The following ADAMTSL3 variants were observed in gnomAD, a reference collection of about 807,000 sequenced individuals.
The protein encoded by ADAMTSL3 is ADAMTS like 3, also known as ADAMTS-like protein 3.
Under a neutral mutation model 201.7 loss-of-function variants are expected in ADAMTSL3, and 128 were observed. The ratio of observed to expected loss-of-function variants is 0.63; its 90% CI spans 0.55 to 0.73. The LOEUF (loss-of-function observed/expected upper bound fraction) is 0.73, where lower values mean the gene tolerates loss of function less well. ADAMTSL3 is among the 30% of genes least tolerant of loss of function. The pLI is 0.00. For synonymous variants in ADAMTSL3, 738 were observed against 748.4 expected, an observed-to-expected ratio of 0.99 and a Z score of 0.23; for missense variants, 1,990 against 2,119.6, an observed-to-expected ratio of 0.94 and a Z score of 1.20.
At position 83,923,248 on chromosome 15, in the gene ADAMTSL3, A is replaced by G. The variant is rs77807991; in HGVS notation, c.1988-656A>G. On this transcript the variant is annotated intron_variant, in intron 16 of 29. Coordinates refer to ENST00000286744, the MANE Select transcript of ADAMTSL3 (RefSeq NM_207517.3). ...CTGTCTTAGTTTCTCTCTAGACCTC[A>G]GTTTCCTTAGTATTAAATTAATAAA... Among the ~76,000 whole-genome samples, 298 of 152,280 alleles carry G rather than the reference A, an allele frequency of 2.0e-3. 6 individuals are homozygous for G. In the East Asian group the frequency reaches 0.055, roughly 28 times the overall value.
In ADAMTSL3 at chr15:83,943,090, C is replaced by G; in HGVS notation, c.2490+8C>G. The G allele has an allele frequency of 1.9e-6, 3 of 1,596,650 alleles. No homozygotes were observed. Among genetic ancestry groups the G allele is most frequent in the Non-Finnish European group, 2.6e-6 (3 of 1,173,612 alleles). ...GTGGGAGACTGGTCGAAGGTAAGGGCCAGGCTCAACTTTATAGTCCCTTCT... is the reference window on the plus strand; with the variant it reads ...GTGGGAGACTGGTCGAAGGTAAGGGGCAGGCTCAACTTTATAGTCCCTTCT... On this transcript the variant is annotated splice_region_variant and intron_variant, in intron 19 of 29. Coordinates refer to ENST00000286744, the MANE Select transcript of ADAMTSL3 (RefSeq NM_207517.3).
At chr15:84,031,515 T>TA in intron 28 of ADAMTSL3, 83 bp downstream of exon 28, 1 of 1,221,022 alleles carries the variant, frequency 8.2e-7, no homozygotes, top group Admixed American at 1.8e-5. Context: ...AATGGAATCC[T>TA]TTCTAGTTTC....
At chr15:83,801,495 T>A (rs1391958175) in intron 4 of ADAMTSL3, among the ~76,000 whole-genome samples, 2 of 148,784 alleles carry the variant, frequency 1.3e-5, no homozygotes, top group Non-Finnish European at 3.0e-5. Flanking sequence ...GGAAAAAGAG[T>A]GGAAGTTAAT....
intron 17 of ADAMTSL3, among the ~76,000 whole-genome samples, chr15:83,930,840 T>A (rs2066341772): frequency 1.3e-5 from 2 of 152,244 alleles, no homozygotes; most frequent in Admixed American, 1.3e-4. Flanking sequence ...GGTGTAGGAA[T>A]AACAGGAACA....
At chr15:83,861,915 G>C (rs1210183421) in intron 8 of ADAMTSL3, 1 of 152,166 alleles carries the variant, frequency 6.6e-6, no homozygotes, top group African/African-American at 2.4e-5. Flanking sequence ...CCAATGCAGA[G>C]AAGTCCTTAA....
Position 83,838,147 on chromosome 15 carries a change from G to A in ADAMTSL3, c.659G>A (p.Cys220Tyr). 1.2e-6 allele frequency: 2 copies of A among 1,613,400 alleles called. No individual in the cohort carries two copies. Among genetic ancestry groups the A allele is most frequent in the Non-Finnish European group, 8.5e-7 (1 of 1,179,716 alleles). ...GCCAAGGAGGACAACTGTGGAGTCT[G>A]TGCCGGCGATGGCTCCACCTGCAGG... ...SNAKEDNCGV[C>Y]AGDGSTCRLV... The change falls in exon 7 of 30, where the codon TGT (cysteine) becomes TAT (tyrosine). Residue 220 changes from cysteine to tyrosine, a missense_variant. Physicochemically the swap from Cys to Tyr is radical, Grantham distance 194. Transcript: ENST00000286744.
chr15:83,756,412 G>A (rs1482818285), intron 3 of ADAMTSL3, among the ~76,000 whole-genome samples: 1 of 152,078 alleles, frequency 6.6e-6, no homozygotes, highest in Non-Finnish European at 1.5e-5. Context: ...TTTGTGCAGG[G>A]GTACTCCCTT....
At chr15:83,917,417 G>GTA (rs140504075) in intron 16 of ADAMTSL3, among the ~76,000 whole-genome samples, 1 of 146,532 alleles carries the variant, frequency 6.8e-6, no homozygotes, top group Non-Finnish European at 1.5e-5. Context: ...TCCAAAGTGT[G>GTA]TGTATGTATG....
At chr15:83,810,030 G>A (rs1465674209) in intron 5 of ADAMTSL3, among the ~76,000 whole-genome samples, 1 of 152,052 alleles carries the variant, frequency 6.6e-6, no homozygotes, top group East Asian at 1.9e-4. Context: ...AGCCATATTT[G>A]CAGTCCATTT....
In ADAMTSL3 at chr15:83,890,167, C is replaced by T. The variant is rs191831696; in HGVS notation, c.1131C>T (p.Asp377=). The T allele has an allele frequency of 2.5e-6, 4 of 1,613,954 alleles. No individual in the cohort carries two copies. In the East Asian group the frequency reaches 8.9e-5, roughly 36 times the overall value. The change falls in exon 11 of 30, where the codon GAC becomes GAT. Residue 377 remains aspartate (D), a synonymous_variant. Transcript: ENST00000286744. ...VDIRLKRVVP[D]HYCHYYPENV... ...TCCGCTTGAAGAGGGTAGTTCCTGA[C>T]CATTATTGTCACTACTACCCTGAAA...
At chr15:84,008,926 C>G (rs2067952111) in intron 23 of ADAMTSL3, among the ~76,000 whole-genome samples, 1 of 152,114 alleles carries the variant, frequency 6.6e-6, no homozygotes, top group South Asian at 2.1e-4. Flanking sequence ...TCGCTTTCCT[C>G]TCTCACACTA....
intron 3 of ADAMTSL3, among the ~76,000 whole-genome samples, chr15:83,727,114 A>G (rs957792449): frequency 5.3e-5 from 8 of 151,188 alleles, no homozygotes; most frequent in Non-Finnish European, 8.9e-5. Flanking sequence ...TCCTGGTTCA[A>G]TCTTGGTAGG....
At chr15:83,748,584 G>C (rs1302471258) in intron 3 of ADAMTSL3, among the ~76,000 whole-genome samples, 2 of 148,800 alleles carry the variant, frequency 1.3e-5, no homozygotes, top group African/African-American at 2.5e-5. Context: ...TGGGTGGTCA[G>C]GGCTGCAATG....
chr15:83,780,029 C>T (rs2063141491), intron 4 of ADAMTSL3, among the ~76,000 whole-genome samples: 1 of 150,738 alleles, frequency 6.6e-6, no homozygotes, highest in East Asian at 2.0e-4. Flanking sequence ...AACTAGAGAA[C>T]CAAGAGCAAA....
chr15:83,958,162 G>A lies in ADAMTSL3; in HGVS notation c.2491-12322G>A, dbSNP rs143355115. On this transcript the variant is annotated intron_variant, in intron 19 of 29. Transcript: ENST00000286744. ...ACAGGGCCAAGAGTTGTGGAACACAGATGTCACGAATAAATAGCATGACAA... is the reference window on the plus strand; with the variant it reads ...ACAGGGCCAAGAGTTGTGGAACACAAATGTCACGAATAAATAGCATGACAA... Among the ~76,000 whole-genome samples, 520 of 152,320 alleles carry A rather than the reference G, an allele frequency of 3.4e-3. 13 individuals carry two copies. In the East Asian group the frequency reaches 0.054, roughly 16 times the overall value.
At chr15:83,934,069 G>T (rs2066415579) in intron 17 of ADAMTSL3, among the ~76,000 whole-genome samples, 1 of 152,196 alleles carries the variant, frequency 6.6e-6, no homozygotes. Flanking sequence ...GGAGCTGTGA[G>T]AAGAGGGCCA....
intron 3 of ADAMTSL3, among the ~76,000 whole-genome samples, chr15:83,743,080 T>C (rs553496726): frequency 5.9e-5 from 9 of 152,320 alleles, no homozygotes; most frequent in African/African-American, 1.9e-4. Flanking sequence ...TTATTGTAAC[T>C]GCGCTTACCT....
rs77422968 is a variant in ADAMTSL3, at chr15:84,001,315, T to C, written c.3973+10101T>C. Among the ~76,000 whole-genome samples, 985 of 152,324 alleles carry C rather than the reference T, an allele frequency of 6.5e-3. 11 individuals carry two copies. Among genetic ancestry groups the C allele is most frequent in the African/African-American group, 0.023 (935 of 41,550 alleles). On this transcript the variant is annotated intron_variant, in intron 23 of 29. Coordinates refer to ENST00000286744, the MANE Select transcript of ADAMTSL3 (RefSeq NM_207517.3). Reference sequence around the variant, plus strand: ...TTGCAAAGAGCTGAGGAGTATGTGCTAATAGGCAGCATGTCAATAAATAAC... The same window carrying C: ...TTGCAAAGAGCTGAGGAGTATGTGCCAATAGGCAGCATGTCAATAAATAAC...
intron 16 of ADAMTSL3, among the ~76,000 whole-genome samples, chr15:83,920,536 C>G (rs1012147837): frequency 2.0e-5 from 3 of 152,142 alleles, no homozygotes; most frequent in African/African-American, 7.2e-5. Context: ...TTTCATTACT[C>G]GGGACTTTAC....
Sources: gnomAD v4.1 joint callset for allele counts (sites outside exome capture counted in the v4.1 genomes callset) on GRCh38, gnomAD v4.1.1 for gene constraint, MANE v1.5 for transcripts, NCBI Gene and HGNC (gene_info 2026-07-23, HGNC 2026-07-21) for gene names.